The following LRRIQ1 variants were observed in gnomAD, a reference collection of about 807,000 sequenced individuals.
LRRIQ1 encodes leucine rich repeats and IQ motif containing 1, also known as leucine-rich repeat- and IQ domain-containing protein 1.
LRRIQ1 carries 210 observed loss-of-function variants against 211.9 expected under a neutral mutation model. That is an observed-to-expected ratio of 0.99 (90% confidence interval 0.89 to 1.11). The LOEUF is 1.11. Among genes scored for constraint, LRRIQ1 ranks in the 50% most tolerant of loss-of-function variants. LRRIQ1 has a pLI of 0.00. For missense variants in LRRIQ1, 2,136 were observed against 1,939.5 expected (o/e 1.10, Z -1.90); for synonymous variants, 699 against 650.1 (o/e 1.08, Z -1.14).
At chr12:85,179,095 C>A (rs1459909526) in intron 24 of LRRIQ1, among the ~76,000 whole-genome samples, 2 of 151,874 alleles carry the variant, frequency 1.3e-5, no homozygotes, top group African/African-American at 4.8e-5. Flanking sequence ...CTCCCTCTGT[C>A]CTTCCTCTTT....
At chr12:85,179,394 G>A (rs1050244734) in intron 24 of LRRIQ1, among the ~76,000 whole-genome samples, 1 of 151,942 alleles carries the variant, frequency 6.6e-6, no homozygotes, top group East Asian at 1.9e-4. Flanking sequence ...AGACATTGCA[G>A]TAAAGAAGTA....
At chr12:85,226,463 C>T (rs1894658289) in intron 24 of LRRIQ1, among the ~76,000 whole-genome samples, 1 of 151,374 alleles carries the variant, frequency 6.6e-6, no homozygotes, top group Admixed American at 6.6e-5. Flanking sequence ...CAGTGTGTAG[C>T]AATGCCAAAT....
intron 11 of LRRIQ1, among the ~76,000 whole-genome samples, chr12:85,075,759 C>T (rs1004853582): frequency 9.9e-5 from 15 of 151,792 alleles, no homozygotes; most frequent in African/African-American, 3.1e-4. Context: ...CCCAGCTACT[C>T]GGGAGGCTGA....
chr12:85,064,707 G>A (rs1318808701), intron 8 of LRRIQ1, among the ~76,000 whole-genome samples: 1 of 151,762 alleles, frequency 6.6e-6, no homozygotes, highest in Non-Finnish European at 1.5e-5. Flanking sequence ...TTTTGTGTGT[G>A]GTAAGAGATG....
intron 18 of LRRIQ1, among the ~76,000 whole-genome samples, chr12:85,129,400 C>G (rs1303187933): frequency 6.6e-6 from 1 of 152,116 alleles, no homozygotes; most frequent in Admixed American, 6.6e-5. Flanking sequence ...TTTATTCATT[C>G]AGCAAATATT....
intron 26 of LRRIQ1, among the ~76,000 whole-genome samples, chr12:85,240,886 A>G (rs1375871563): frequency 6.6e-6 from 1 of 152,126 alleles, no homozygotes; most frequent in East Asian, 1.9e-4. Context: ...AAAGGAGAAC[A>G]ACAGAGTTTC....
intron 13 of LRRIQ1, among the ~76,000 whole-genome samples, chr12:85,102,711 G>A (rs2136300151): frequency 6.6e-6 from 1 of 151,398 alleles, no homozygotes; most frequent in African/African-American, 2.4e-5. Context: ...AGATTTTGTT[G>A]TTGTTGTTGT....
intron 11 of LRRIQ1, among the ~76,000 whole-genome samples, chr12:85,087,476 G>T (rs557142780): frequency 6.6e-6 from 1 of 152,140 alleles, no homozygotes; most frequent in Non-Finnish European, 1.5e-5. Context: ...GGATACCTGG[G>T]TCAAATGGTA....
intron 23 of LRRIQ1, among the ~76,000 whole-genome samples, chr12:85,156,774 G>A (rs1216348200): frequency 2.0e-5 from 3 of 150,900 alleles, no homozygotes; most frequent in Non-Finnish European, 4.4e-5. Flanking sequence ...GAGCAACATC[G>A]TCTATAAAAC....
intron 19 of LRRIQ1, among the ~76,000 whole-genome samples, chr12:85,138,845 A>G (rs1050962873): frequency 2.6e-5 from 4 of 151,528 alleles, no homozygotes; most frequent in Non-Finnish European, 5.9e-5. Flanking sequence ...TCATTTTTCC[A>G]AAGTTCTCCT....
intron 24 of LRRIQ1, among the ~76,000 whole-genome samples, chr12:85,179,945 G>A (rs1033612173): frequency 1.3e-5 from 2 of 151,840 alleles, no homozygotes; most frequent in African/African-American, 4.8e-5. Context: ...AAACATAGTA[G>A]CTGTATTAGA....
exon 2 of LRRIQ1, chr12:85,263,703 A>G (rs1233492357): frequency 6.6e-6 from 1 of 152,002 alleles, no homozygotes; most frequent in Admixed American, 6.6e-5. Context: ...ATAGAGGTAG[A>G]TGCTAATTTT....
rs1247444877 is a variant in LRRIQ1, at chr12:85,056,019, A to ATTTAAGTTTGTTTTT, written c.1233_1234insTTGTTTTTTTTAAGT (p.Leu412_Glu413insPhePheLeuSerLeu). On this transcript the variant is annotated inframe_insertion, in exon 8 of 27. Transcript: ENST00000393217. ...AAGAAGAGCGGATATAATAACAAAC[A>ATTTAAGTTTGTTTTT]TTTAAGTCTTGAAGATATTTCAAAT... The ATTTAAGTTTGTTTTT allele has an allele frequency of 1.2e-6, 2 of 1,604,942 alleles. No individual in the cohort carries two copies. The highest frequency in any genetic ancestry group is 3.4e-5 in the Admixed American group (2 of 58,190).
intron 19 of LRRIQ1, among the ~76,000 whole-genome samples, chr12:85,142,741 C>A (rs993701840): frequency 2.0e-5 from 3 of 151,564 alleles, no homozygotes; most frequent in Non-Finnish European, 4.4e-5. Flanking sequence ...CTGTGCCTGG[C>A]TTATCTCACT....
At chr12:85,250,876 ATATT>A (rs1481525981) in intron 1 of LRRIQ1, among the ~76,000 whole-genome samples, 1 of 57,474 alleles carries the variant, frequency 1.7e-5, no homozygotes, top group Non-Finnish European at 3.7e-5. Context: ...ATTATATATT[ATATT>A]ATATATAATA....
intron 25 of LRRIQ1, among the ~76,000 whole-genome samples, chr12:85,231,452 C>T (rs1476007150): frequency 6.6e-6 from 1 of 151,986 alleles, no homozygotes; most frequent in Middle Eastern, 3.2e-3. Context: ...TGTTATTAAG[C>T]GATTTAATTA....
At chr12:85,163,365 G>A (rs1890995990) in intron 24 of LRRIQ1, among the ~76,000 whole-genome samples, 1 of 152,058 alleles carries the variant, frequency 6.6e-6, no homozygotes, top group African/African-American at 2.4e-5. Flanking sequence ...GAAAAGTGAG[G>A]AAGATCAAAA....
At chr12:85,257,591 G>C (rs117978511) in intron 1 of LRRIQ1, among the ~76,000 whole-genome samples, 1 of 151,542 alleles carries the variant, frequency 6.6e-6, no homozygotes, top group Non-Finnish European at 1.5e-5. Context: ...ACACCCAATA[G>C]GTATTAACTA....
chr12:85,207,502 C>T (rs1334028635), intron 24 of LRRIQ1, among the ~76,000 whole-genome samples: 1 of 152,132 alleles, frequency 6.6e-6, no homozygotes, highest in Non-Finnish European at 1.5e-5. Context: ...TGATGTCTTT[C>T]ACACAGAAGC....
Sources: allele counts gnomAD v4.1 joint callset (sites outside exome capture counted in the v4.1 genomes callset), GRCh38; gene constraint gnomAD v4.1.1; transcripts MANE v1.5; gene names NCBI Gene and HGNC (gene_info 2026-07-23, HGNC 2026-07-21).